Variants in UBE3C observed in about 807,000 individuals in gnomAD.
UBE3C encodes the protein ubiquitin-protein ligase E3C.
UBE3C carries 42 observed loss-of-function variants against 129.4 expected under a neutral mutation model. The observed-to-expected ratio is 0.32, with a 90% CI of 0.25 to 0.42. The LOEUF is 0.42. Among genes scored for constraint, UBE3C ranks in the 10% least tolerant of loss-of-function variants. The pLI, the probability that UBE3C is intolerant of heterozygous loss-of-function variation, is 1.00. For synonymous variants in UBE3C, 510 were observed against 492.4 expected (o/e 1.04, Z -0.47); for missense variants, 1,049 against 1,319.1 (o/e 0.80, Z 3.17).
intron 10 of UBE3C, chr7:157,198,142 C>T: frequency 6.2e-7 from 1 of 1,612,956 alleles, no homozygotes; most frequent in Admixed American, 1.7e-5. Context: ...AAACTGAAAC[C>T]ATTGCTCCAC....
intron 11 of UBE3C, among the ~76,000 whole-genome samples, chr7:157,205,910 G>A (rs540053829): frequency 2.6e-5 from 4 of 152,310 alleles, no homozygotes; most frequent in African/African-American, 9.6e-5. Context: ...AGCTCCAGGT[G>A]GCTCAGCCAA....
chr7:157,152,852 C>T (rs1358761003), intron 1 of UBE3C, among the ~76,000 whole-genome samples: 1 of 152,170 alleles, frequency 6.6e-6, no homozygotes, highest in East Asian at 1.9e-4. Context: ...GTGGTTCCAA[C>T]AGTCCTACAT....
intron 4 of UBE3C, among the ~76,000 whole-genome samples, chr7:157,171,698 T>TA (rs1808380775): frequency 8.7e-5 from 2 of 23,116 alleles, no homozygotes; most frequent in East Asian, 1.4e-3. Context: ...TTTTTTTTTT[T>TA]TTTTTTTTTT....
intron 13 of UBE3C, among the ~76,000 whole-genome samples, chr7:157,209,865 T>C (rs1036393016): frequency 3.9e-5 from 6 of 152,238 alleles, no homozygotes; most frequent in Non-Finnish European, 5.9e-5. Context: ...CCTGCCACTT[T>C]ATTCATCATT....
At chr7:157,229,144 C>A (rs888305325) in intron 17 of UBE3C, among the ~76,000 whole-genome samples, 3 of 152,194 alleles carry the variant, frequency 2.0e-5, no homozygotes, top group Non-Finnish European at 4.4e-5. Context: ...CTGTCCCCAA[C>A]TCTCGTCCCC....
chr7:157,193,805 T>G (rs1809041910), intron 10 of UBE3C, among the ~76,000 whole-genome samples: 1 of 152,184 alleles, frequency 6.6e-6, no homozygotes, highest in African/African-American at 2.4e-5. Flanking sequence ...ATTACAAATT[T>G]AAGATGACTG....
At chr7:157,225,851 T>C (rs953708936) in intron 17 of UBE3C, among the ~76,000 whole-genome samples, 2 of 152,158 alleles carry the variant, frequency 1.3e-5, no homozygotes, top group Non-Finnish European at 2.9e-5. Flanking sequence ...TGCAAAAGGC[T>C]GAGGCGGGAG....
chr7:157,255,602 C>T (rs1248501314), intron 21 of UBE3C, among the ~76,000 whole-genome samples: 1 of 152,138 alleles, frequency 6.6e-6, no homozygotes, highest in African/African-American at 2.4e-5. Context: ...TTTTCATTAC[C>T]CATCTGCACT....
At chr7:157,204,906 A>G (rs1002528874) in intron 11 of UBE3C, among the ~76,000 whole-genome samples, 2 of 152,194 alleles carry the variant, frequency 1.3e-5, no homozygotes, top group African/African-American at 2.4e-5. Context: ...AGGGTGGGGG[A>G]CATTGGACGA....
At position 157,182,624 on chromosome 7, in the gene UBE3C, A is replaced by G. The variant is rs183180910; in HGVS notation, c.991+296A>G. Among the ~76,000 whole-genome samples the G allele has an allele frequency of 1.2e-3, 180 of 152,340 alleles. 1 individual carries two copies. The highest frequency in any genetic ancestry group is 4.3e-3 in the African/African-American group (177 of 41,578). On this transcript the variant is annotated intron_variant, in intron 8 of 22. Coordinates refer to ENST00000348165, the MANE Select transcript of UBE3C (RefSeq NM_014671.3). ...TCAGGCCTGTTTCCCTCCCTCTGCT[A>G]AATTTCCAGTGTGCCTCTTCTAGAA...
At chr7:157,238,626 T>C (rs1345556873) in intron 18 of UBE3C, among the ~76,000 whole-genome samples, 2 of 151,812 alleles carry the variant, frequency 1.3e-5, no homozygotes, top group African/African-American at 2.4e-5. Context: ...TATGGAGGCT[T>C]AGTGAGGGGC....
At chr7:157,243,187 C>T (rs1796390926) in intron 18 of UBE3C, among the ~76,000 whole-genome samples, 1 of 152,232 alleles carries the variant, frequency 6.6e-6, no homozygotes, top group Non-Finnish European at 1.5e-5. Flanking sequence ...CCCCCATCCT[C>T]TGTGCCCTGC....
At chr7:157,201,637 CTTTTTTTTTTTTT>C in intron 10 of UBE3C, 71 bp from the exon 11 acceptor site, 1 of 222,486 alleles carries the variant, frequency 4.5e-6, no homozygotes, top group East Asian at 2.2e-4. Flanking sequence ...CAGTGTATCG[CTTTTTTTTTTTTT>C]TTTTTTTTAA....
At chr7:157,162,297 C>T (rs894141934) in intron 1 of UBE3C, among the ~76,000 whole-genome samples, 1 of 151,934 alleles carries the variant, frequency 6.6e-6, no homozygotes, top group Non-Finnish European at 1.5e-5. Flanking sequence ...TGGGTTCAAG[C>T]GATTCTTCTC....
At chr7:157,144,419 A>T (rs1162590558) in intron 1 of UBE3C, among the ~76,000 whole-genome samples, 2 of 152,096 alleles carry the variant, frequency 1.3e-5, no homozygotes, top group Non-Finnish European at 2.9e-5. Context: ...AGACGGGGGA[A>T]ACTTAAGTTT....
intron 1 of UBE3C, among the ~76,000 whole-genome samples, chr7:157,151,017 C>T (rs1018521909): frequency 1.3e-5 from 2 of 152,176 alleles, no homozygotes; most frequent in Non-Finnish European, 2.9e-5. Context: ...GGCAGCTGGC[C>T]TCCCGCTAAG....
chr7:157,239,840 A>G (rs1228296865), intron 18 of UBE3C, among the ~76,000 whole-genome samples: 2 of 152,188 alleles, frequency 1.3e-5, no homozygotes, highest in Non-Finnish European at 2.9e-5. Flanking sequence ...AAGAAGAGGT[A>G]GAGGAACACT....
At chr7:157,255,341 A>G (rs1796724799) in intron 21 of UBE3C, among the ~76,000 whole-genome samples, 1 of 152,256 alleles carries the variant, frequency 6.6e-6, no homozygotes, top group Non-Finnish European at 1.5e-5. Flanking sequence ...GGAAATGGAA[A>G]TGTTCTAAAA....
intron 19 of UBE3C, among the ~76,000 whole-genome samples, chr7:157,251,462 C>T (rs2094949072): frequency 6.6e-6 from 1 of 152,202 alleles, no homozygotes; most frequent in Non-Finnish European, 1.5e-5. Flanking sequence ...TGAGTCACGA[C>T]ACCTTGGTTC....
Sources: allele counts gnomAD v4.1 joint callset (sites outside exome capture counted in the v4.1 genomes callset), GRCh38; gene constraint gnomAD v4.1.1; transcripts MANE v1.5; gene names NCBI Gene and HGNC (gene_info 2026-07-23, HGNC 2026-07-21).